Variants in ZNF148 observed in about 807,000 individuals in gnomAD.
ZNF148 encodes the protein zinc finger protein 148, also known as Beta-Enolase Repressor Factor-1.
Under a neutral mutation model 67.7 loss-of-function variants are expected in ZNF148, and 7 were observed. The ratio of observed to expected loss-of-function variants is 0.10; its 90% CI spans 0.06 to 0.19. The LOEUF is 0.19. Among genes scored for constraint, ZNF148 ranks in the 10% least tolerant of loss-of-function variants. The probability of loss-of-function intolerance (pLI) is 1.00; values close to 1 mark genes in which losing one functional copy is unlikely to be tolerated. For missense variants in ZNF148, 583 were observed against 947.1 expected (o/e 0.62, Z 5.05); for synonymous variants, 333 against 330.7 (o/e 1.01, Z -0.08).
intron 1 of ZNF148, chr3:125,339,005 G>A (rs975995580): frequency 6.6e-6 from 1 of 152,150 alleles, no homozygotes; most frequent in Non-Finnish European, 1.5e-5. Flanking sequence ...ATCAATTAGA[G>A]AATACTAAGA....
chr3:125,341,391 G>A (rs1941718387), intron 1 of ZNF148, among the ~76,000 whole-genome samples: 1 of 150,410 alleles, frequency 6.6e-6, no homozygotes, highest in Admixed American at 6.6e-5. Flanking sequence ...AGATGAAGCA[G>A]GAGGATCACT....
In ZNF148 at chr3:125,322,191, G is replaced by A. The variant is rs1940810193; in HGVS notation, c.-17+1118C>T. ...ACTACAGGGGCCCACCACCTCGCAC[G>A]GCTAATTTTTTTTGTATGTAGAGAC... On this transcript the variant is annotated intron_variant, in intron 3 of 8. Coordinates refer to ENST00000360647, the MANE Select transcript of ZNF148 (RefSeq NM_021964.3). 4.6e-5 allele frequency among the ~76,000 whole-genome samples: 7 copies of A among 151,702 alleles called. 1 individual carries two copies. The highest frequency in any genetic ancestry group is 4.6e-4 in the Admixed American group (7 of 15,224).
intron 2 of ZNF148, among the ~76,000 whole-genome samples, chr3:125,329,177 A>G (rs1196357754): frequency 6.7e-6 from 1 of 150,216 alleles, no homozygotes; most frequent in East Asian, 1.9e-4. Flanking sequence ...AATGTTGAAC[A>G]TGACAATTAT....
intron 7 of ZNF148, among the ~76,000 whole-genome samples, chr3:125,264,894 CT>C (rs766887982): frequency 1.3e-5 from 2 of 152,138 alleles, no homozygotes; most frequent in African/African-American, 4.8e-5. Context: ...AGTTAGTTTC[CT>C]TCAGGGGAAA....
intron 1 of ZNF148, among the ~76,000 whole-genome samples, chr3:125,362,777 A>T (rs1055878978): frequency 2.0e-5 from 3 of 151,708 alleles, no homozygotes; most frequent in African/African-American, 4.8e-5. Context: ...ATGGTCTCGA[A>T]CTCCTGAGCT....
chr3:125,276,175 CA>C lies in ZNF148; in HGVS notation c.667+1550del, dbSNP rs529722412. Among the ~76,000 whole-genome samples, 17 of 152,176 alleles carry C rather than the reference CA, an allele frequency of 1.1e-4. No individual in the cohort carries two copies. In the South Asian group the frequency reaches 3.5e-3, roughly 32 times the overall value. On this transcript the variant is annotated intron_variant, in intron 7 of 8. Coordinates refer to ENST00000360647, the MANE Select transcript of ZNF148 (RefSeq NM_021964.3). Reference sequence around the variant, plus strand: ...AAACCTATTAGGTATTAAGAACACACAAAAATAATCACTTTCATTTGTATCT... The same window carrying C: ...AAACCTATTAGGTATTAAGAACACACAAAATAATCACTTTCATTTGTATCT...
chr3:125,318,221 T>C (rs1264141047), intron 3 of ZNF148, among the ~76,000 whole-genome samples: 2 of 152,148 alleles, frequency 1.3e-5, no homozygotes, highest in Non-Finnish European at 2.9e-5. Context: ...AAAGGTCCCA[T>C]GCTCAAAAGC....
chr3:125,281,399 A>G (rs1464062005), intron 5 of ZNF148, among the ~76,000 whole-genome samples: 2 of 152,226 alleles, frequency 1.3e-5, no homozygotes, highest in Non-Finnish European at 2.9e-5. Flanking sequence ...AAACAAACAA[A>G]AAGATGTTAA....
In ZNF148 at chr3:125,230,621, G is replaced by C. The variant is rs150767504; in HGVS notation, c.*1720C>G. 15 of 152,366 alleles carry C rather than the reference G, an allele frequency of 9.8e-5. No homozygotes were observed. The highest frequency in any genetic ancestry group is 3.4e-4 in the African/African-American group (14 of 41,454). 9.4% of individuals were successfully genotyped at this position (152,366 alleles called of 1,614,324 possible). A position where few individuals can be genotyped will look rare whatever the true frequency, so the allele number is the denominator to read the frequency against. The stretch of plus-strand genomic sequence containing the variant: ...TCCCTTTCTTTATGAGAACAGTCTT[G>C]GGATAACATTAAATAAAAGAAAAAA... On this transcript the variant is annotated 3_prime_UTR_variant, in exon 9 of 9. Coordinates refer to ENST00000360647, the MANE Select transcript of ZNF148 (RefSeq NM_021964.3).
At chr3:125,372,518 T>A (rs1287318374) in intron 1 of ZNF148, among the ~76,000 whole-genome samples, 1 of 152,150 alleles carries the variant, frequency 6.6e-6, no homozygotes, top group African/African-American at 2.4e-5. Flanking sequence ...AGAAATAATA[T>A]TATATGCCCA....
intron 5 of ZNF148, among the ~76,000 whole-genome samples, chr3:125,286,129 ATTT>A (rs938569836): frequency 3.3e-5 from 5 of 152,222 alleles, no homozygotes; most frequent in Non-Finnish European, 5.9e-5. Context: ...TTTAGAAATA[ATTT>A]TTTACATAAA....
intron 4 of ZNF148, among the ~76,000 whole-genome samples, chr3:125,290,540 T>C (rs1053645750): frequency 1.3e-5 from 2 of 152,180 alleles, no homozygotes; most frequent in Non-Finnish European, 1.5e-5. Context: ...GTTTTGATAT[T>C]TTAAAGTAAG....
At chr3:125,353,041 C>A (rs138252426) in intron 1 of ZNF148, among the ~76,000 whole-genome samples, 1 of 152,202 alleles carries the variant, frequency 6.6e-6, no homozygotes, top group East Asian at 1.9e-4. Context: ...CCCAGCAATC[C>A]CACTCTTGGG....
At chr3:125,274,834 T>C (rs1439599368) in intron 7 of ZNF148, among the ~76,000 whole-genome samples, 2 of 152,182 alleles carry the variant, frequency 1.3e-5, no homozygotes, top group South Asian at 2.1e-4. Flanking sequence ...TCATTACTCA[T>C]TTGACAATTT....
intron 4 of ZNF148, among the ~76,000 whole-genome samples, chr3:125,305,748 G>A: frequency 6.6e-6 from 1 of 150,420 alleles, no homozygotes; most frequent in African/African-American, 2.5e-5. Flanking sequence ...AGGAGGTGAA[G>A]GCTACATTAA....
intron 1 of ZNF148, among the ~76,000 whole-genome samples, chr3:125,373,906 C>T (rs754636465): frequency 3.3e-5 from 5 of 152,180 alleles, no homozygotes; most frequent in Admixed American, 6.5e-5. Flanking sequence ...ATCTTGTGTA[C>T]TGCAATCCAG....
At position 125,232,359 on chromosome 3, in the gene ZNF148, A is replaced by G. The variant is rs1445833584; in HGVS notation, c.2367T>C (p.Thr789=). 2.5e-6 allele frequency: 4 copies of G among 1,591,182 alleles called. No homozygotes were observed. Among genetic ancestry groups the G allele is most frequent in the Non-Finnish European group, 2.6e-6 (3 of 1,165,842 alleles). Residue 789 remains threonine (T), a synonymous_variant, in exon 9 of 9, where the codon ACT becomes ACC. Transcript: ENST00000360647. The surrounding 1 kb of genome is among the most constrained non-coding windows in gnomAD (Gnocchi z 4.2). ...TTTTTTTTTAGCCAAAAGTCTGGCC[A>G]GTTGTGGCATCAGGTGAAGATGTCA... ...AGMTSSPDAT[T]GQTFG
intron 7 of ZNF148, among the ~76,000 whole-genome samples, chr3:125,240,499 C>T (rs1201889954): frequency 6.6e-6 from 1 of 152,188 alleles, no homozygotes; most frequent in African/African-American, 2.4e-5. Context: ...TGTGCTGCCT[C>T]AAGCCACTGA....
Position 125,229,959 on chromosome 3 carries a change from C to T in ZNF148, c.*2382G>A, listed in dbSNP as rs975637037. On this transcript the variant is annotated 3_prime_UTR_variant, in exon 9 of 9. Coordinates refer to ENST00000360647, the MANE Select transcript of ZNF148 (RefSeq NM_021964.3). ...GTTATGCTGGCTGAGTATCACTTAT[C>T]TAAAAACTGCTTATAACCTGGTAGA... The T allele has an allele frequency of 3.3e-5, 5 of 152,480 alleles. No individual in the cohort carries two copies. Among genetic ancestry groups the T allele is most frequent in the Non-Finnish European group, 7.4e-5 (5 of 68,018 alleles). The allele number at this position is 152,480 out of a possible 1,614,324, so 9.4% of individuals were successfully genotyped here. A position where few individuals can be genotyped will look rare whatever the true frequency, so the allele number is the denominator to read the frequency against.
Sources: gnomAD v4.1 joint callset for allele counts (sites outside exome capture counted in the v4.1 genomes callset) on GRCh38, gnomAD v4.1.1 for gene constraint, Gnocchi (gnomAD v3.1) non-coding constraint, MANE v1.5 for transcripts, NCBI Gene and HGNC (gene_info 2026-07-23, HGNC 2026-07-21) for gene names.